KIAA0319: variants seen among roughly 807,000 people sequenced by gnomAD.
KIAA0319 encodes dyslexia-associated protein KIAA0319.
KIAA0319 carries 83 observed loss-of-function variants against 108.4 expected under a neutral mutation model. The observed-to-expected ratio is 0.77, with a 90% CI of 0.64 to 0.92. The LOEUF (loss-of-function observed/expected upper bound fraction) is 0.92, where lower values mean the gene tolerates loss of function less well. KIAA0319 is among the 40% of genes least tolerant of loss of function. KIAA0319 has a pLI of 0.00. For synonymous variants in KIAA0319, 484 were observed against 510.4 expected, an observed-to-expected ratio of 0.95 and a Z score of 0.70; for missense variants, 1,195 against 1,322.4, an observed-to-expected ratio of 0.90 and a Z score of 1.49.
chr6:24,560,013 C>T (rs1184304389), intron 16 of KIAA0319, among the ~76,000 whole-genome samples: 2 of 152,182 alleles, frequency 1.3e-5, no homozygotes, highest in African/African-American at 4.8e-5. Context: ...AAAGTTCATC[C>T]ATGTTGTAGC....
chr6:24,573,726 A>G (rs2127466644), intron 10 of KIAA0319, among the ~76,000 whole-genome samples: 1 of 152,336 alleles, frequency 6.6e-6, no homozygotes. Context: ...GTGGTGATCA[A>G]TTTATTTGAA....
chr6:24,581,061 G>A (rs745745734), intron 6 of KIAA0319, 48 bp from the exon 7 acceptor site: 9 of 1,181,646 alleles, frequency 7.6e-6, no homozygotes, highest in Non-Finnish European at 1.3e-6. Flanking sequence ...AGACGTGATG[G>A]GTCCACTACG....
chr6:24,646,156 T>G lies in KIAA0319; in HGVS notation c.-526A>C, dbSNP rs914112914. ...ATCCCCGCCCACCGCCCGCGGCAGC[T>G]TCTGCAGGCTCGGGGAAAGCGCGCG... On this transcript the variant is annotated 5_prime_UTR_variant, in exon 1 of 21. Coordinates refer to ENST00000378214, the MANE Select transcript of KIAA0319 (RefSeq NM_014809.4). 3.9e-5 allele frequency: 6 copies of G among 152,262 alleles called. No homozygotes were observed. The highest frequency in any genetic ancestry group is 1.4e-4 in the African/African-American group (6 of 41,440). 9.4% of individuals were successfully genotyped at this position (152,262 alleles called of 1,614,324 possible). A position where few individuals can be genotyped will look rare whatever the true frequency, so the allele number is the denominator to read the frequency against.
intron 1 of KIAA0319, among the ~76,000 whole-genome samples, chr6:24,629,525 A>G (rs1775224870): frequency 6.7e-6 from 1 of 148,450 alleles, no homozygotes. Flanking sequence ...AAAAAAAAAA[A>G]AAAAAAGAAA....
At chr6:24,608,487 G>A (rs1345306058) in intron 1 of KIAA0319, among the ~76,000 whole-genome samples, 3 of 151,968 alleles carry the variant, frequency 2.0e-5, no homozygotes, top group African/African-American at 7.2e-5. Context: ...TGAGATAATT[G>A]AGGGAAAACT....
Position 24,559,110 on chromosome 6 carries a change from A to G in KIAA0319, c.2637T>C (p.Val879=). ...FYVQSRPPFK[V]LKAAEVARNL... ...TTCGGGCCACTTCAGCAGCTTTGAG[A>G]ACCTTGAAAGGCGGCCTGCTCTGTA... The change falls in exon 17 of 21, where the codon GTT becomes GTC. Residue 879 remains valine (V), a synonymous_variant. Coordinates refer to ENST00000378214, the MANE Select transcript of KIAA0319 (RefSeq NM_014809.4). 1 of 1,613,774 alleles carries G rather than the reference A, an allele frequency of 6.2e-7. No individual in the cohort carries two copies.
In KIAA0319 at chr6:24,645,908, C is replaced by T. The variant is rs1777561376; in HGVS notation, c.-278G>A. On this transcript the variant is annotated 5_prime_UTR_variant, in exon 1 of 21. Transcript: ENST00000378214. ...ACACACGTTCACACCCTCGCGCGCG[C>T]ACCTGCTGTTAAGAGGTACAGCCCC... is the stretch of plus-strand genomic sequence containing the variant. The T allele has an allele frequency of 6.5e-6, 1 of 154,168 alleles. No homozygotes were observed. Among genetic ancestry groups the T allele is most frequent in the Non-Finnish European group, 1.4e-5 (1 of 70,154 alleles). 9.6% of individuals were successfully genotyped at this position (154,168 alleles called of 1,614,324 possible). A position where few individuals can be genotyped will look rare whatever the true frequency, so the allele number is the denominator to read the frequency against.
chr6:24,582,651 T>A (rs1361695751), intron 5 of KIAA0319, among the ~76,000 whole-genome samples: 7 of 112,926 alleles, frequency 6.2e-5, no homozygotes, highest in Non-Finnish European at 1.0e-4. Context: ...TTTTAAAATG[T>A]ATAAAGTTAA....
rs1436669953 is a variant in KIAA0319, at chr6:24,578,219, C to T, written c.1396G>A (p.Val466Met). 1.2e-6 allele frequency: 2 copies of T among 1,602,930 alleles called. No homozygotes were observed. Among genetic ancestry groups the T allele is most frequent in the Non-Finnish European group, 8.5e-7 (1 of 1,170,408 alleles). ...TTTATTTCTTCCCAATGATAACTCACTATTTCAGTATCATCTGTACTTTCT... is the reference window on the plus strand; with the variant it reads ...TTTATTTCTTCCCAATGATAACTCATTATTTCAGTATCATCTGTACTTTCT... ...GSQSTDDTEI[V>M]SYHWEEINGP... The change falls in exon 9 of 21, where the codon GTG becomes ATG. Residue 466 changes from valine to methionine, a missense_variant. Physicochemically the swap from Val to Met is conservative, Grantham distance 21. Coordinates refer to ENST00000378214, the MANE Select transcript of KIAA0319 (RefSeq NM_014809.4).
intron 1 of KIAA0319, among the ~76,000 whole-genome samples, chr6:24,614,707 T>A (rs1772893492): frequency 1.3e-5 from 2 of 152,270 alleles, no homozygotes; most frequent in South Asian, 4.1e-4. Context: ...TATGTGTCTC[T>A]CTCCTTCACT....
At chr6:24,540,221 C>CGTA (rs141057733), downstream of KIAA0319, among the ~76,000 whole-genome samples, 1 of 151,750 alleles carries the variant, frequency 6.6e-6, no homozygotes, top group African/African-American at 2.4e-5. Context: ...AGCATAGTCA[C>CGTA]TTATTATATA....
At chr6:24,611,055 C>T (rs575286440) in intron 1 of KIAA0319, among the ~76,000 whole-genome samples, 2 of 152,080 alleles carry the variant, frequency 1.3e-5, no homozygotes, top group African/African-American at 4.8e-5. Context: ...TATTTGATTC[C>T]ATTTATATGA....
At chr6:24,568,272 T>C (rs988178900) in intron 13 of KIAA0319, among the ~76,000 whole-genome samples, 2 of 152,208 alleles carry the variant, frequency 1.3e-5, no homozygotes, top group Admixed American at 6.5e-5. Context: ...TGATTTGCCA[T>C]GAGTCTAGCA....
At chr6:24,611,107 T>C (rs1772243523) in intron 1 of KIAA0319, among the ~76,000 whole-genome samples, 1 of 151,948 alleles carries the variant, frequency 6.6e-6, no homozygotes. Context: ...AAAAGTAGAT[T>C]AGTAGTTGTT....
downstream of KIAA0319, among the ~76,000 whole-genome samples, chr6:24,540,784 G>A (rs1760170762): frequency 6.6e-6 from 1 of 151,934 alleles, no homozygotes; most frequent in Non-Finnish European, 1.5e-5. Context: ...TAAATTCATA[G>A]GAAGTTGCAA....
Position 24,570,329 on chromosome 6 carries a change from C to T in KIAA0319, c.1859-294G>A, listed in dbSNP as rs188930869. Among the ~76,000 whole-genome samples the T allele has an allele frequency of 3.8e-4, 58 of 152,284 alleles. No homozygotes were observed. In the East Asian group the frequency reaches 7.9e-3, roughly 21 times the overall value. ...AGTCGGCCGGGCACAGTGGCTCACG[C>T]CTGTAATCCAGCACTTTGGGAGAAC... On this transcript the variant is annotated intron_variant, in intron 11 of 20. Transcript: ENST00000378214.
rs1195405880 is a variant in KIAA0319, at chr6:24,588,834, C to G, written c.802-49G>C. Reference sequence around the variant, plus strand: ...AATTGTTATTAAAAAAAAAACAGTCCAACTCTTCAAGCAACTCAATGTTAC... The same window carrying G: ...AATTGTTATTAAAAAAAAAACAGTCGAACTCTTCAAGCAACTCAATGTTAC... On this transcript the variant is annotated intron_variant, in intron 3 of 20. Transcript: ENST00000378214. 2.8e-6 allele frequency: 4 copies of G among 1,449,718 alleles called. No individual in the cohort carries two copies. In the Admixed American group the frequency reaches 5.7e-5, roughly 21 times the overall value. 89.8% of individuals were successfully genotyped at this position (1,449,718 alleles called of 1,614,324 possible). A position where few individuals can be genotyped will look rare whatever the true frequency, so the allele number is the denominator to read the frequency against.
At chr6:24,600,516 G>C (rs1770464149) in intron 2 of KIAA0319, 1 of 700,878 alleles carries the variant, frequency 1.4e-6, no homozygotes, top group Non-Finnish European at 2.5e-6. Flanking sequence ...TTTAACAAGG[G>C]TCTCGCTAAG....
At chr6:24,642,163 G>A (rs1478565360) in intron 1 of KIAA0319, among the ~76,000 whole-genome samples, 1 of 84,094 alleles carries the variant, frequency 1.2e-5, no homozygotes, top group Non-Finnish European at 2.3e-5. Context: ...GGGAGGGAGG[G>A]AGGGAAGTAA....
Sources: gnomAD v4.1 joint callset for allele counts (sites outside exome capture counted in the v4.1 genomes callset) on GRCh38, gnomAD v4.1.1 for gene constraint, MANE v1.5 for transcripts, NCBI Gene and HGNC (gene_info 2026-07-23, HGNC 2026-07-21) for gene names.